Variants in TMC3 observed in about 807,000 individuals in gnomAD.
TMC3 encodes the protein transmembrane channel-like protein 3.
Under a neutral mutation model 110.6 loss-of-function variants are expected in TMC3, and 98 were observed. The observed-to-expected ratio is 0.89, with a 90% CI of 0.75 to 1.05. The LOEUF (loss-of-function observed/expected upper bound fraction) is 1.05. TMC3 is among the 50% of genes least tolerant of loss of function. The pLI is 0.00. For synonymous variants in TMC3, 489 were observed against 513.1 expected (o/e 0.95, Z 0.63); for missense variants, 1,319 against 1,373.2 (o/e 0.96, Z 0.62).
intron 7 of TMC3, among the ~76,000 whole-genome samples, chr15:81,356,811 C>T (rs1201013283): frequency 6.6e-6 from 1 of 152,184 alleles, no homozygotes; most frequent in Non-Finnish European, 1.5e-5. Context: ...TGCAATGGCC[C>T]ATTATTATAT....
At chr15:81,361,024 T>C (rs1037073169) in intron 4 of TMC3, among the ~76,000 whole-genome samples, 1 of 151,864 alleles carries the variant, frequency 6.6e-6, no homozygotes, top group Non-Finnish European at 1.5e-5. Context: ...ATACAACATT[T>C]TGAAGACTTT....
intron 2 of TMC3, among the ~76,000 whole-genome samples, chr15:81,372,060 C>T (rs985045218): frequency 6.6e-6 from 1 of 151,694 alleles, no homozygotes; most frequent in African/African-American, 2.4e-5. Flanking sequence ...TATAGACAGA[C>T]TATTTAATAT....
intron 9 of TMC3, 68 bp downstream of exon 9, chr15:81,355,657 G>A (rs1162505587): frequency 1.0e-6 from 1 of 974,192 alleles, no homozygotes; most frequent in South Asian, 1.4e-5. Context: ...AGATGATCTG[G>A]TAGTTTTTGT....
In TMC3 at chr15:81,349,459, T is replaced by C; in HGVS notation, c.1192A>G (p.Arg398Gly). The change falls in exon 11 of 22, where the codon AGG (arginine) becomes GGG (glycine). Residue 398 changes from arginine (R) to glycine (G), a missense_variant and splice_region_variant. By Grantham distance (125) the Arg-to-Gly change is moderately radical (BLOSUM62 -2). Transcript: ENST00000359440. The stretch of plus-strand genomic sequence containing the variant: ...CATTTCTGGGCAGGACTGTTGTACC[T>C]TGCAAGCTGGAAGCGCAGCGTGGTC... ...PRTTLRFQLA[R>G]VLVLYLGNLY... 1 of 1,506,960 alleles carries C rather than the reference T, an allele frequency of 6.6e-7. No individual in the cohort carries two copies. The highest frequency in any genetic ancestry group is 2.5e-5 in the East Asian group (1 of 39,366). The allele number at this position is 1,506,960 out of a possible 1,614,324, so 93.3% of individuals were successfully genotyped here.
rs1893510091 is a variant in TMC3, at chr15:81,333,116, C to T, written c.2606G>A (p.Gly869Glu). Residue 869 changes from glycine (G) to glutamate (E), a missense_variant, in exon 22 of 22, where the codon GGA (glycine) becomes GAA (glutamate). Gly to Glu is a moderately conservative substitution (Grantham distance 98, BLOSUM62 -2). Transcript: ENST00000359440. ...DFQQINPPHR[G>E]PQASTLLAQG... ...TGCCAGCAAAGTCGAGGCCTGTGGT[C>T]CACGGTGAGGAGGGTTGATTTGCTG... The T allele has an allele frequency of 6.2e-7, 1 of 1,614,002 alleles. No individual in the cohort carries two copies. The highest frequency in any genetic ancestry group is 1.3e-5 in the African/African-American group (1 of 75,032).
In TMC3 at chr15:81,344,009, T is replaced by C; in HGVS notation, c.1555A>G (p.Thr519Ala). ...TCTATGAGCAGAATGCTCGCCACGG[T>C]GAAGAGCATGTCAATGATGGAGAGC... ...LKLSIIDMLF[T>A]VASILLIDFF... Residue 519 changes from threonine to alanine, a missense_variant, in exon 14 of 22, where the codon ACC becomes GCC. Coordinates refer to ENST00000359440, the MANE Select transcript of TMC3 (RefSeq NM_001080532.3). The C allele has an allele frequency of 6.2e-7, 1 of 1,612,502 alleles. No individual in the cohort carries two copies. Among genetic ancestry groups the C allele is most frequent in the Non-Finnish European group, 8.5e-7 (1 of 1,179,312 alleles).
chr15:81,349,491 T>C lies in TMC3; in HGVS notation c.1160A>G (p.His387Arg), dbSNP rs1893895943. Residue 387 changes from histidine (H) to arginine (R), a missense_variant, in exon 11 of 22, where the codon CAC becomes CGC. His to Arg is a conservative substitution (Grantham distance 29). Coordinates refer to ENST00000359440, the MANE Select transcript of TMC3 (RefSeq NM_001080532.3). ...CTGGAAGCGCAGCGTGGTCCTGGGG[T>C]GGTACATCTCTAAGGCAGCAATGAG... ...FDLIAALEMYHPRTTLRFQLA... is the reference protein window; with the variant it reads ...FDLIAALEMYRPRTTLRFQLA... The C allele has an allele frequency of 3.9e-6, 6 of 1,554,396 alleles. No homozygotes were observed. The highest frequency in any genetic ancestry group is 1.4e-5 in the African/African-American group (1 of 71,850).
chr15:81,345,143 C>T, intron 12 of TMC3, 132 bp from the exon 13 acceptor site: 2 of 1,424,186 alleles, frequency 1.4e-6, no homozygotes, highest in East Asian at 5.0e-5. Flanking sequence ...CATTCATCCT[C>T]TTTCTCTTTC....
At chr15:81,352,754 T>C (rs879408702) in intron 9 of TMC3, among the ~76,000 whole-genome samples, 2 of 152,180 alleles carry the variant, frequency 1.3e-5, no homozygotes, top group Non-Finnish European at 2.9e-5. Context: ...GGCAGTGATA[T>C]TGATTATCCT....
Position 81,351,799 on chromosome 15 carries a change from C to T in TMC3, c.978G>A (p.Val326=), listed in dbSNP as rs369219177. 1.9e-6 allele frequency: 3 copies of T among 1,611,002 alleles called. No individual in the cohort carries two copies. Among genetic ancestry groups the T allele is most frequent in the African/African-American group, 2.7e-5 (2 of 74,892 alleles). ...ICLRIIANIL[V]LLSLAGSIYL... ...AAATGCTCCCAGCCAGTGAGAGAAG[C>T]ACCAGGATGTTGGCAATAATCCTCA... Residue 326 remains valine, a synonymous_variant, in exon 10 of 22, where the codon GTG becomes GTA. Coordinates refer to ENST00000359440, the MANE Select transcript of TMC3 (RefSeq NM_001080532.3).
Position 81,339,446 on chromosome 15 carries a change from T to C in TMC3, c.1903A>G (p.Thr635Ala), listed in dbSNP as rs370452892. 3 of 1,610,970 alleles carry C rather than the reference T, an allele frequency of 1.9e-6. No individual in the cohort carries two copies. In the African/African-American group the frequency reaches 4.0e-5, roughly 22 times the overall value. The change falls in exon 17 of 22, where the codon ACC becomes GCC. Residue 635 changes from threonine to alanine, a missense_variant. Transcript: ENST00000359440. ...LFMLFLCMLP[T>A]IFAIVRYKPS... is the part of the protein sequence containing the mutation. ...TTGTATCGGACAATAGCAAAAATGG[T>C]TGGCAGCATGCACAGAAACAGCATA...
intron 20 of TMC3, chr15:81,335,836 A>G (rs1007868614): frequency 3.9e-5 from 6 of 152,404 alleles, no homozygotes; most frequent in East Asian, 3.9e-4. Flanking sequence ...TTCAGGCCAC[A>G]GCAGACTTCT....
intron 3 of TMC3, among the ~76,000 whole-genome samples, chr15:81,363,176 G>A (rs1055231589): frequency 3.9e-5 from 6 of 151,984 alleles, no homozygotes; most frequent in African/African-American, 1.5e-4. Flanking sequence ...GCTTGAACCC[G>A]GGAGGCAGAG....
At chr15:81,335,179 A>G (rs115516300) in intron 20 of TMC3, among the ~76,000 whole-genome samples, 28 of 152,356 alleles carry the variant, frequency 1.8e-4, no homozygotes, top group African/African-American at 6.5e-4. Flanking sequence ...CTGGGAGTGT[A>G]GGAGGAATCA....
chr15:81,365,963 A>G (rs1413270451), intron 3 of TMC3, among the ~76,000 whole-genome samples: 6 of 152,214 alleles, frequency 3.9e-5, no homozygotes. Flanking sequence ...TATGTGATAC[A>G]TGCACATATC....
At chr15:81,360,864 C>T (rs1227372764) in intron 4 of TMC3, among the ~76,000 whole-genome samples, 1 of 152,054 alleles carries the variant, frequency 6.6e-6, no homozygotes, top group African/African-American at 2.4e-5. Context: ...ACAAGCAGTC[C>T]ATACTCAACA....
chr15:81,332,316 C>G lies in TMC3; in HGVS notation c.*103G>C, dbSNP rs1893478440. The G allele has an allele frequency of 6.9e-7, 1 of 1,445,610 alleles. No individual in the cohort carries two copies. Among genetic ancestry groups the G allele is most frequent in the African/African-American group, 1.4e-5 (1 of 70,088 alleles). 89.5% of individuals were successfully genotyped at this position (1,445,610 alleles called of 1,614,324 possible). ...GCCGCTGACCATGCCCCTCAGGTCTCTAACACACTTGTTCACCTCTTTTTC... is the reference window on the plus strand; with the variant it reads ...GCCGCTGACCATGCCCCTCAGGTCTGTAACACACTTGTTCACCTCTTTTTC... On this transcript the variant is annotated 3_prime_UTR_variant, in exon 22 of 22. Transcript: ENST00000359440.
rs753927656 is a variant in TMC3, at chr15:81,339,451, A to G, written c.1898T>C (p.Leu633Pro). The change falls in exon 17 of 22, where the codon CTG becomes CCG. Residue 633 changes from leucine to proline, a missense_variant. Coordinates refer to ENST00000359440, the MANE Select transcript of TMC3 (RefSeq NM_001080532.3). ...MLLFMLFLCM[L>P]PTIFAIVRYK... ...TCGGACAATAGCAAAAATGGTTGGCAGCATGCACAGAAACAGCATAAACAG... is the reference window on the plus strand; with the variant it reads ...TCGGACAATAGCAAAAATGGTTGGCGGCATGCACAGAAACAGCATAAACAG... 42 of 1,610,630 alleles carry G rather than the reference A, an allele frequency of 2.6e-5. No individual in the cohort carries two copies. Among genetic ancestry groups the G allele is most frequent in the Middle Eastern group, 1.6e-4 (1 of 6,082 alleles).
intron 21 of TMC3, 118 bp downstream of exon 21, chr15:81,334,602 C>T (rs1226716227): frequency 5.8e-6 from 8 of 1,367,928 alleles, no homozygotes; most frequent in Non-Finnish European, 1.9e-6. Flanking sequence ...CTGTCATAGT[C>T]TCCTGACCCA....
Sources: gnomAD v4.1 joint callset for allele counts (sites outside exome capture counted in the v4.1 genomes callset) on GRCh38, gnomAD v4.1.1 for gene constraint, MANE v1.5 for transcripts, NCBI Gene and HGNC (gene_info 2026-07-23, HGNC 2026-07-21) for gene names.